The following GALNT14 variants were observed in gnomAD, a reference collection of about 807,000 sequenced individuals.
GALNT14 encodes UDP-GalNAc:polypeptide N-acetylgalactosaminyltransferase 14.
In GALNT14, 60 loss-of-function variants were observed where a neutral mutation model predicts 77.5. The ratio of observed to expected loss-of-function variants is 0.77; its 90% CI spans 0.63 to 0.96. The LOEUF (loss-of-function observed/expected upper bound fraction) is 0.96, where lower values mean the gene tolerates loss of function less well. Ranked by LOEUF, GALNT14 falls within the 40% of genes least tolerant of loss-of-function variation. The pLI is 0.00. For synonymous variants in GALNT14, 280 were observed against 281.7 expected, an observed-to-expected ratio of 0.99 and a Z score of 0.06; for missense variants, 710 against 731.0, an observed-to-expected ratio of 0.97 and a Z score of 0.33.
At chr2:30,963,964 T>C (rs984330360) in intron 3 of GALNT14, among the ~76,000 whole-genome samples, 8 of 152,164 alleles carry the variant, frequency 5.3e-5, no homozygotes, top group African/African-American at 1.9e-4. Flanking sequence ...ATAAGATAAG[T>C]CCTTGCCCTA....
chr2:30,889,537 A>G, the GALNT14 span, among the ~76,000 whole-genome samples: 1 of 152,158 alleles, frequency 6.6e-6, no homozygotes, highest in East Asian at 1.9e-4. Context: ...TACAATCCAC[A>G]TCTCATCAGA....
intron 13 of GALNT14, among the ~76,000 whole-genome samples, chr2:30,923,387 G>A (rs1665163736): frequency 6.6e-6 from 1 of 152,176 alleles, no homozygotes; most frequent in African/African-American, 2.4e-5. Context: ...CAAGTGCTAT[G>A]AGACAGGCTA....
At chr2:30,954,120 G>C (rs1044024293) in intron 6 of GALNT14, among the ~76,000 whole-genome samples, 4 of 152,172 alleles carry the variant, frequency 2.6e-5, no homozygotes, top group African/African-American at 9.7e-5. Context: ...AGGCCCCACA[G>C]AGCAAGCGGG....
intron 10 of GALNT14, among the ~76,000 whole-genome samples, chr2:30,931,438 A>C (rs954754799): frequency 6.6e-6 from 1 of 152,186 alleles, no homozygotes; most frequent in Non-Finnish European, 1.5e-5. Context: ...AAATGGAGGA[A>C]AAAAGAGTGG....
At chr2:31,024,778 T>C (rs1380625963) in intron 1 of GALNT14, among the ~76,000 whole-genome samples, 1 of 152,168 alleles carries the variant, frequency 6.6e-6, no homozygotes, top group African/African-American at 2.4e-5. Context: ...TCCATAAATA[T>C]TTGCTGAACA....
chr2:30,990,072 G>A (rs1471076302), intron 2 of GALNT14, among the ~76,000 whole-genome samples: 1 of 152,060 alleles, frequency 6.6e-6, no homozygotes, highest in African/African-American at 2.4e-5. Context: ...CTGCAATTTC[G>A]CCTCAAGGGG....
chr2:30,916,041 A>T (rs1664659837), intron 13 of GALNT14, among the ~76,000 whole-genome samples: 1 of 152,170 alleles, frequency 6.6e-6, no homozygotes, highest in African/African-American at 2.4e-5. Flanking sequence ...GGTCTGAAGG[A>T]ACTCCCCAAA....
intron 1 of GALNT14, among the ~76,000 whole-genome samples, chr2:31,015,117 T>C (rs914375005): frequency 2.0e-5 from 3 of 151,826 alleles, no homozygotes; most frequent in Non-Finnish European, 4.4e-5. Context: ...TGGTGAAACC[T>C]CATCTCTACT....
chr2:31,064,919 G>C (rs1674838806), intron 1 of GALNT14, among the ~76,000 whole-genome samples: 1 of 151,556 alleles, frequency 6.6e-6, no homozygotes, highest in Non-Finnish European at 1.5e-5. Context: ...AAGGGAAAGA[G>C]TGGTAAAAAA....
At chr2:30,905,437 G>T in the GALNT14 span, among the ~76,000 whole-genome samples, 1 of 152,042 alleles carries the variant, frequency 6.6e-6, no homozygotes, top group African/African-American at 2.4e-5. Context: ...GAGCCGATGC[G>T]ATCAACTGGA....
intron 2 of GALNT14, among the ~76,000 whole-genome samples, chr2:30,967,725 C>G (rs72855230): frequency 0.022 from 3,399 of 152,260 alleles, 49 homozygotes; most frequent in East Asian, 0.056. Flanking sequence ...CAGCAGCTTC[C>G]TGACCCATCT....
At chr2:31,122,920 G>A (rs930621856) in intron 1 of GALNT14, among the ~76,000 whole-genome samples, 4 of 152,270 alleles carry the variant, frequency 2.6e-5, no homozygotes, top group East Asian at 1.9e-4. Flanking sequence ...TGTGGCTTAC[G>A]CCTGTAATCC....
chr2:31,010,369 G>A (rs958483798), intron 1 of GALNT14, among the ~76,000 whole-genome samples: 2 of 152,154 alleles, frequency 1.3e-5, no homozygotes, highest in South Asian at 4.1e-4. Flanking sequence ...GGAGGCCAAG[G>A]CGGGCAGATC....
At chr2:31,086,707 A>G (rs550999493) in intron 1 of GALNT14, among the ~76,000 whole-genome samples, 2 of 152,298 alleles carry the variant, frequency 1.3e-5, no homozygotes, top group East Asian at 1.9e-4. Flanking sequence ...AGTAGAACAC[A>G]TATGAGTGAG....
chr2:30,914,937 C>T (rs1412638138), intron 13 of GALNT14, among the ~76,000 whole-genome samples: 1 of 152,158 alleles, frequency 6.6e-6, no homozygotes, highest in Non-Finnish European at 1.5e-5. Context: ...AGCTGGACTA[C>T]CAGGAAGCCA....
chr2:31,074,719 C>T (rs1162840883), intron 1 of GALNT14, among the ~76,000 whole-genome samples: 2 of 152,084 alleles, frequency 1.3e-5, no homozygotes, highest in African/African-American at 4.8e-5. Flanking sequence ...TCATGCGAGC[C>T]CTCTTGGAAC....
intron 1 of GALNT14, among the ~76,000 whole-genome samples, chr2:31,035,597 A>G (rs1558512182): frequency 5.4e-5 from 6 of 110,310 alleles, no homozygotes; most frequent in Non-Finnish European, 8.9e-5. Flanking sequence ...ATACATATAC[A>G]TATACACACA....
Position 30,912,243 on chromosome 2 carries a change from T to C in GALNT14, c.1480A>G (p.Lys494Glu), listed in dbSNP as rs1437397248. The C allele has an allele frequency of 6.2e-7, 1 of 1,614,130 alleles. No individual in the cohort carries two copies. Among genetic ancestry groups the C allele is most frequent in the Non-Finnish European group, 8.5e-7 (1 of 1,180,012 alleles). Reference sequence around the variant, plus strand: ...CTTACCTGTCGGTCATCTCCATTCTTGCAAAGGACAAGAACCACTGGGGCG... The same window carrying C: ...CTTACCTGTCGGTCATCTCCATTCTCGCAAAGGACAAGAACCACTGGGGCG... ...PGAPVVLVLC[K>E]NGDDRQQWTK... Residue 494 changes from lysine to glutamate, a missense_variant, in exon 14 of 15, where the codon AAG becomes GAG. Physicochemically the swap from Lys to Glu is moderately conservative, Grantham distance 56. Transcript: ENST00000349752.
At chr2:30,923,758 A>G (rs1378811365) in intron 13 of GALNT14, among the ~76,000 whole-genome samples, 2 of 152,132 alleles carry the variant, frequency 1.3e-5, no homozygotes, top group Non-Finnish European at 2.9e-5. Flanking sequence ...CCCTCTTTGC[A>G]TTTCACATCT....
Sources: allele counts gnomAD v4.1 joint callset (sites outside exome capture counted in the v4.1 genomes callset), GRCh38; gene constraint gnomAD v4.1.1; transcripts MANE v1.5; gene names NCBI Gene and HGNC (gene_info 2026-07-23, HGNC 2026-07-21).